Variants in TTC23L observed in about 807,000 individuals in gnomAD.
TTC23L encodes the protein tetratricopeptide repeat protein 23-like.
A neutral mutation model predicts 48.1 loss-of-function variants in TTC23L; 42 were observed. The observed-to-expected ratio is 0.87, with a 90% CI of 0.68 to 1.13. TTC23L has a LOEUF of 1.13. Among genes scored for constraint, TTC23L ranks in the 50% most tolerant of loss-of-function variants. The pLI is 0.00. For missense variants in TTC23L, 391 were observed against 421.0 expected (o/e 0.93, Z 0.62); for synonymous variants, 159 against 157.2 (o/e 1.01, Z -0.09).
chr5:34,864,589 G>A, intron 6 of TTC23L, 27 bp downstream of exon 6: 1 of 1,596,626 alleles, frequency 6.3e-7, no homozygotes, highest in Non-Finnish European at 8.5e-7. Context: ...GAGAAGCTGA[G>A]GCTTTTATGA....
the TTC23L span, chr5:34,909,429 A>C: frequency 9.5e-7 from 1 of 1,054,974 alleles, no homozygotes; most frequent in East Asian, 2.4e-5. Flanking sequence ...TAAAGAAAAC[A>C]CTTCCTTAAG....
chr5:34,841,746 G>T (rs950975528), intron 2 of TTC23L, among the ~76,000 whole-genome samples: 1 of 152,076 alleles, frequency 6.6e-6, no homozygotes, highest in African/African-American at 2.4e-5. Context: ...GGAACTCCTG[G>T]GCTCAAGTGA....
At chr5:34,875,269 C>T (rs937481095) in intron 8 of TTC23L, among the ~76,000 whole-genome samples, 8 of 152,226 alleles carry the variant, frequency 5.3e-5, no homozygotes, top group Admixed American at 4.6e-4. Context: ...CTCTTCAACA[C>T]CCCTTGTATT....
At chr5:34,895,170 G>T (rs994520031) in intron 9 of TTC23L, among the ~76,000 whole-genome samples, 1 of 152,166 alleles carries the variant, frequency 6.6e-6, no homozygotes, top group Non-Finnish European at 1.5e-5. Flanking sequence ...ATTGTTAGAA[G>T]AATGTAGTAG....
At chr5:34,899,890 AAAAAAACAAAC>A (rs1354915697), downstream of TTC23L, among the ~76,000 whole-genome samples, 4 of 152,178 alleles carry the variant, frequency 2.6e-5, no homozygotes, top group Non-Finnish European at 5.9e-5. Flanking sequence ...CTGCGTCTCA[AAAAAAACAAAC>A]AAAAAACAAA....
rs1448445859 is a variant in TTC23L at position 34,850,994 on chromosome 5, TC to T, written c.379+691del. On this transcript the variant is annotated intron_variant, in intron 4 of 10. Transcript: ENST00000505624. ...ACTCTCTGTTCCTTGACCAGCCATG[TC>T]CCCCTGTGTGGTCTGCATACATTTT... 9.9e-5 allele frequency among the ~76,000 whole-genome samples: 15 copies of T among 152,242 alleles called. No homozygotes were observed. In the South Asian group the frequency reaches 2.7e-3, roughly 27 times the overall value.
the TTC23L span, among the ~76,000 whole-genome samples, chr5:34,910,504 C>T: frequency 7.2e-5 from 11 of 151,918 alleles, no homozygotes; most frequent in Admixed American, 3.9e-4. Flanking sequence ...CTCAGCTCAC[C>T]GCAACCTCCA....
chr5:34,913,587 A>G, the TTC23L span: 1 of 1,520,176 alleles, frequency 6.6e-7, no homozygotes, highest in African/African-American at 1.4e-5. Flanking sequence ...GCCTATGAAA[A>G]GAGTAAAAAT....
intron 1 of TTC23L, 44 bp from the exon 2 acceptor site, chr5:34,840,621 C>A: frequency 6.5e-7 from 1 of 1,543,154 alleles, no homozygotes; most frequent in Non-Finnish European, 9.0e-7. Context: ...AGAACAGACA[C>A]CCAGCCTTTT....
the TTC23L span, chr5:34,917,940 T>C: frequency 6.5e-6 from 1 of 152,714 alleles, no homozygotes; most frequent in Admixed American, 6.5e-5. Flanking sequence ...GCAGATGTGG[T>C]CAGTGAATGT....
chr5:34,902,019 TTC>T (rs1763522843), downstream of TTC23L, among the ~76,000 whole-genome samples: 1 of 152,218 alleles, frequency 6.6e-6, no homozygotes, highest in Admixed American at 6.5e-5. Context: ...TTGAATAATA[TTC>T]CTTACTTTCT....
chr5:34,843,805 T>A (rs1178681567), intron 2 of TTC23L, among the ~76,000 whole-genome samples: 3 of 152,240 alleles, frequency 2.0e-5, no homozygotes, highest in Non-Finnish European at 4.4e-5. Flanking sequence ...CACATTCTTT[T>A]CTCATTCATT....
At chr5:34,854,299 T>C (rs779144635) in intron 4 of TTC23L, among the ~76,000 whole-genome samples, 2 of 152,174 alleles carry the variant, frequency 1.3e-5, no homozygotes, top group Non-Finnish European at 2.9e-5. Context: ...GTCCACATGG[T>C]ATAGTGGAGC....
exon 7 of TTC23L, chr5:34,866,981 C>G: frequency 1.9e-6 from 3 of 1,611,288 alleles, no homozygotes; most frequent in Non-Finnish European, 2.5e-6. Flanking sequence ...GGTGATAGGA[C>G]GTCAGATCTG....
exon 4 of TTC23L, chr5:34,850,232 G>A (rs771573110): frequency 8.7e-6 from 14 of 1,613,788 alleles, no homozygotes; most frequent in Middle Eastern, 3.3e-4. Flanking sequence ...TCCTTTCTCG[G>A]ATTATTTTTG....
the TTC23L span, chr5:34,906,769 T>C: frequency 6.6e-6 from 1 of 152,244 alleles, no homozygotes; most frequent in African/African-American, 2.4e-5. Context: ...AGTTACTAAA[T>C]GCCCATTATA....
the TTC23L span, chr5:34,923,480 G>A: frequency 2.9e-5 from 13 of 451,328 alleles, no homozygotes; most frequent in East Asian, 4.8e-4. Context: ...GTTTCGCCAT[G>A]TTGGCCAGGC....
intron 9 of TTC23L, 117 bp downstream of exon 9, chr5:34,880,425 A>G: frequency 1.8e-6 from 2 of 1,081,674 alleles, no homozygotes; most frequent in South Asian, 3.5e-5. Context: ...AAACTAGGCA[A>G]GAACCACATT....
the TTC23L span, chr5:34,909,019 T>C: frequency 2.3e-6 from 3 of 1,332,292 alleles, no homozygotes; most frequent in Non-Finnish European, 3.1e-6. Context: ...AAGTAAAGGA[T>C]AAAAAGTAGC....
Sources: allele counts gnomAD v4.1 joint callset (sites outside exome capture counted in the v4.1 genomes callset), GRCh38; gene constraint gnomAD v4.1.1; transcripts MANE v1.5; gene names NCBI Gene and HGNC (gene_info 2026-07-23, HGNC 2026-07-21).